The following EPS8 variants were observed in gnomAD, a reference collection of about 807,000 sequenced individuals.
The protein encoded by EPS8 is EGFR pathway substrate 8, signaling adaptor, also known as epidermal growth factor receptor kinase substrate 8.
In EPS8, 42 loss-of-function variants were observed where a neutral mutation model predicts 103.8. The ratio of observed to expected loss-of-function variants is 0.40; its 90% CI spans 0.32 to 0.52. The LOEUF is 0.52. Among genes scored for constraint, EPS8 ranks in the 20% least tolerant of loss-of-function variants. The pLI is 0.40. For missense variants in EPS8, 969 were observed against 1,005.1 expected, an observed-to-expected ratio of 0.96 and a Z score of 0.49; for synonymous variants, 344 against 344.6, an observed-to-expected ratio of 1.00 and a Z score of 0.02.
intron 3 of EPS8, among the ~76,000 whole-genome samples, chr12:15,675,444 A>G (rs571776764): frequency 1.3e-5 from 2 of 152,284 alleles, no homozygotes; most frequent in Admixed American, 1.3e-4. Context: ...CACTAAAAAT[A>G]CCAAAATTAG....
At chr12:15,718,032 T>C (rs1419701547) in intron 1 of EPS8, among the ~76,000 whole-genome samples, 2 of 152,208 alleles carry the variant, frequency 1.3e-5, no homozygotes, top group East Asian at 3.8e-4. Flanking sequence ...TCATGTCCTA[T>C]AACTAAAGAT....
intron 16 of EPS8, among the ~76,000 whole-genome samples, chr12:15,641,455 G>A (rs1202136079): frequency 6.6e-6 from 1 of 151,474 alleles, no homozygotes; most frequent in Non-Finnish European, 1.5e-5. Flanking sequence ...ATAAATATCA[G>A]AAGAAGAAAG....
rs1007225320 is a variant in EPS8, at chr12:15,772,584, C to T, written c.-22+16577G>A. Among the ~76,000 whole-genome samples, 2 of 152,154 alleles carry T rather than the reference C, an allele frequency of 1.3e-5. 1 individual carries two copies. Among genetic ancestry groups the T allele is most frequent in the South Asian group, 4.1e-4 (2 of 4,826 alleles). ...AATAAATAAATAAAGCATTGGCTCT[C>T]ACTGCTGCCAACAGATGGTGCTAGA... is the stretch of plus-strand genomic sequence containing the variant. On this transcript the variant is annotated intron_variant, in intron 1 of 20. Transcript: ENST00000281172. This position sits in a 1 kb window ranked among gnomAD's most constrained non-coding sequence, Gnocchi z 5.0.
At position 15,751,232 on chromosome 12, in the gene EPS8, C is replaced by T. The variant is rs1201662564; in HGVS notation, c.-22+37929G>A. On this transcript the variant is annotated intron_variant, in intron 1 of 20. Coordinates refer to ENST00000281172, the MANE Select transcript of EPS8 (RefSeq NM_004447.6). This position sits in a 1 kb window ranked among gnomAD's most constrained non-coding sequence, Gnocchi z 4.3. ...AATTAGCCACACGTAGTGGTGTGTG[C>T]CTGTAATCCCAGCTACTAGCAAGGC... Among the ~76,000 whole-genome samples the T allele has an allele frequency of 1.3e-5, 2 of 152,080 alleles. No homozygotes were observed. Among genetic ancestry groups the T allele is most frequent in the Non-Finnish European group, 2.9e-5 (2 of 68,020 alleles).
rs1946882815 is a variant in EPS8 at position 15,747,051 on chromosome 12, TTG to T, written c.-22+42108_-22+42109del. Among the ~76,000 whole-genome samples, 2 of 152,182 alleles carry T rather than the reference TTG, an allele frequency of 1.3e-5. No individual in the cohort carries two copies. Among genetic ancestry groups the T allele is most frequent in the African/African-American group, 4.8e-5 (2 of 41,432 alleles). ...AAATCCTCAACAGTCAATACATATT[TTG>T]TACGCAGGAAGTGTTCAGAGAAAAT... On this transcript the variant is annotated intron_variant, in intron 1 of 20. Transcript: ENST00000281172. The surrounding 1 kb of genome is among the most constrained non-coding windows in gnomAD (Gnocchi z 4.4).
At chr12:15,656,955 C>T (rs1022981275) in intron 12 of EPS8, among the ~76,000 whole-genome samples, 1 of 152,078 alleles carries the variant, frequency 6.6e-6, no homozygotes, top group Non-Finnish European at 1.5e-5. Flanking sequence ...CAGGTCCAAG[C>T]ACCATAATCC....
chr12:15,753,838 A>G (rs544328594), intron 1 of EPS8, among the ~76,000 whole-genome samples: 1 of 152,344 alleles, frequency 6.6e-6, no homozygotes, highest in East Asian at 1.9e-4. Context: ...CTACCAATAA[A>G]CCATATTTTT....
At chr12:15,744,865 C>T (rs370190596) in intron 1 of EPS8, among the ~76,000 whole-genome samples, 2 of 152,034 alleles carry the variant, frequency 1.3e-5, no homozygotes, top group South Asian at 2.1e-4. Flanking sequence ...TCCATTATTA[C>T]TATTTTTTTA....
chr12:15,725,310 C>G lies in EPS8; in HGVS notation c.-21-42338G>C, dbSNP rs572959347. 6.6e-6 allele frequency among the ~76,000 whole-genome samples: 1 copy of G among 151,872 alleles called. No homozygotes were observed. Among genetic ancestry groups the G allele is most frequent in the Non-Finnish European group, 1.5e-5 (1 of 67,928 alleles). ...ACCTGAAATCACCCTCAAGAGATCT[C>G]CGGAAAAGTCATGTAGCTGGTTGCA... On this transcript the variant is annotated intron_variant, in intron 1 of 20. Coordinates refer to ENST00000281172, the MANE Select transcript of EPS8 (RefSeq NM_004447.6). This position sits in a 1 kb window ranked among gnomAD's most constrained non-coding sequence, Gnocchi z 4.5.
chr12:15,689,354 CA>C (rs35094857), intron 1 of EPS8, among the ~76,000 whole-genome samples: 103,867 of 151,946 alleles, frequency 0.68, 37,816 homozygotes, highest in East Asian at 0.86. Context: ...ATCCTTTTTC[CA>C]TAACAGCACC....
In EPS8 at chr12:15,785,018, T is replaced by C. The variant is rs1190835114; in HGVS notation, c.-22+4143A>G. Among the ~76,000 whole-genome samples the C allele has an allele frequency of 6.6e-6, 1 of 152,104 alleles. No homozygotes were observed. The highest frequency in any genetic ancestry group is 2.4e-5 in the African/African-American group (1 of 41,454). ...AATGTGTTGAAATTATTCGGTATGA[T>C]ACTATGATCCTATAAGGATAGCTAC... On this transcript the variant is annotated intron_variant, in intron 1 of 20. Transcript: ENST00000281172. The surrounding 1 kb of genome is among the most constrained non-coding windows in gnomAD (Gnocchi z 4.9).
chr12:15,645,127 C>T (rs1945298862), intron 15 of EPS8, among the ~76,000 whole-genome samples: 1 of 151,560 alleles, frequency 6.6e-6, no homozygotes, highest in Non-Finnish European at 1.5e-5. Flanking sequence ...CAAAAAGAAA[C>T]CTTATAAAAT....
Position 15,745,946 on chromosome 12 carries a change from G to T in EPS8, c.-22+43215C>A, listed in dbSNP as rs1485413905. ...GCCATAAAATCTCACAAAGCCTTAT[G>T]AGGGTTGAAGAGTTACACCATTTTC... On this transcript the variant is annotated intron_variant, in intron 1 of 20. Coordinates refer to ENST00000281172, the MANE Select transcript of EPS8 (RefSeq NM_004447.6). This position sits in a 1 kb window ranked among gnomAD's most constrained non-coding sequence, Gnocchi z 4.6. 1.3e-5 allele frequency among the ~76,000 whole-genome samples: 2 copies of T among 152,224 alleles called. No homozygotes were observed. The highest frequency in any genetic ancestry group is 2.9e-5 in the Non-Finnish European group (2 of 68,046).
In EPS8 at chr12:15,697,061, A is replaced by T. The variant is rs997433925; in HGVS notation, c.-21-14089T>A. ...CCAGCATTTGCATTTCTTTCTTTCT[A>T]TTCCCACAGTTCCCATCTCTAACCA... is the stretch of plus-strand genomic sequence containing the variant. On this transcript the variant is annotated intron_variant, in intron 1 of 20. Coordinates refer to ENST00000281172, the MANE Select transcript of EPS8 (RefSeq NM_004447.6). The surrounding 1 kb of genome is among the most constrained non-coding windows in gnomAD (Gnocchi z 5.6). Among the ~76,000 whole-genome samples, 1 of 152,186 alleles carries T rather than the reference A, an allele frequency of 6.6e-6. No homozygotes were observed. The highest frequency in any genetic ancestry group is 1.5e-5 in the Non-Finnish European group (1 of 68,034).
At chr12:15,754,115 T>C (rs1391260731) in intron 1 of EPS8, among the ~76,000 whole-genome samples, 1 of 152,180 alleles carries the variant, frequency 6.6e-6, no homozygotes, top group African/African-American at 2.4e-5. Context: ...ACTCTTTGGG[T>C]TCACAGTTTC....
intron 1 of EPS8, among the ~76,000 whole-genome samples, chr12:15,770,184 C>T (rs1372326552): frequency 6.7e-6 from 1 of 150,066 alleles, no homozygotes; most frequent in Non-Finnish European, 1.5e-5. Flanking sequence ...AGTGATCCAC[C>T]CACCCATGAC....
chr12:15,723,913 T>A (rs1946625304), intron 1 of EPS8, among the ~76,000 whole-genome samples: 2 of 152,176 alleles, frequency 1.3e-5, no homozygotes, highest in Admixed American at 1.3e-4. Context: ...AGAATTAAAT[T>A]TGAAGATAAC....
At chr12:15,649,750 C>G (rs1246996227) in intron 14 of EPS8, among the ~76,000 whole-genome samples, 1 of 152,124 alleles carries the variant, frequency 6.6e-6, no homozygotes, top group East Asian at 1.9e-4. Flanking sequence ...ACAAAGGGAA[C>G]AATTTTTAAA....
chr12:15,750,427 C>A (rs371923448), intron 1 of EPS8, among the ~76,000 whole-genome samples: 2 of 152,166 alleles, frequency 1.3e-5, no homozygotes, highest in Non-Finnish European at 2.9e-5. Context: ...AAACTCCCCC[C>A]ACTCAATTTG....
Sources: gnomAD v4.1 joint callset for allele counts (sites outside exome capture counted in the v4.1 genomes callset) on GRCh38, gnomAD v4.1.1 for gene constraint, Gnocchi (gnomAD v3.1) non-coding constraint, MANE v1.5 for transcripts, NCBI Gene and HGNC (gene_info 2026-07-23, HGNC 2026-07-21) for gene names.